NEMF: variants seen among roughly 807,000 people sequenced by gnomAD.
NEMF encodes the protein ribosome quality control complex subunit NEMF.
NEMF carries 89 observed loss-of-function variants against 162.2 expected under a neutral mutation model. The observed-to-expected ratio is 0.55, with a 90% CI of 0.46 to 0.65. The LOEUF (loss-of-function observed/expected upper bound fraction) is 0.65. NEMF is among the 30% of genes least tolerant of loss of function. NEMF has a pLI of 0.00. For synonymous variants in NEMF, 421 were observed against 404.5 expected, an observed-to-expected ratio of 1.04 and a Z score of -0.49; for missense variants, 1,133 against 1,261.9, an observed-to-expected ratio of 0.90 and a Z score of 1.55.
rs1360135515 is a variant in NEMF, at chr14:49,782,127, G to A, written c.*2509C>T. The A allele has an allele frequency of 1.3e-5, 6 of 457,236 alleles. No homozygotes were observed. Among genetic ancestry groups the A allele is most frequent in the African/African-American group, 2.0e-5 (1 of 49,456 alleles). 28.3% of individuals were successfully genotyped at this position (457,236 alleles called of 1,614,324 possible). ...CTAACAAAGACCTAGAGAACAGATC[G>A]TTCAGTTCAAACTCCTCATTGCATA... On this transcript the variant is annotated 3_prime_UTR_variant, in exon 33 of 33. Coordinates refer to ENST00000298310, the MANE Select transcript of NEMF (RefSeq NM_004713.6).
chr14:49,817,629 T>C (rs1348103418), intron 16 of NEMF, among the ~76,000 whole-genome samples: 1 of 152,154 alleles, frequency 6.6e-6, no homozygotes, highest in Non-Finnish European at 1.5e-5. Context: ...CCTAATTACA[T>C]TGTCTCATAT....
At chr14:49,814,658 A>C (rs1891637570) in intron 17 of NEMF, 96 bp downstream of exon 17, 1 of 630,676 alleles carries the variant, frequency 1.6e-6, no homozygotes, top group Non-Finnish European at 2.7e-6. Context: ...TAAATCTATC[A>C]AACAGAAGAG....
At chr14:49,837,684 C>G (rs1208357004) in intron 6 of NEMF, among the ~76,000 whole-genome samples, 1 of 151,964 alleles carries the variant, frequency 6.6e-6, no homozygotes, top group South Asian at 2.1e-4. Flanking sequence ...CCTGCCTCCC[C>G]GTCTTCTCTA....
At position 49,789,495 on chromosome 14, in the gene NEMF, C is replaced by T; in HGVS notation, c.2697+1G>A. The T allele has an allele frequency of 3.1e-6, 5 of 1,611,838 alleles. No individual in the cohort carries two copies. Among genetic ancestry groups the T allele is most frequent in the Non-Finnish European group, 4.2e-6 (5 of 1,179,532 alleles). On this transcript the variant is annotated splice_donor_variant, in intron 27 of 32. Coordinates refer to ENST00000298310, the MANE Select transcript of NEMF (RefSeq NM_004713.6). LOFTEE classifies it high-confidence loss of function. ...AAAAAATGTTTTTAGATGTTATTTACCCCCAGCAACTTCATGATAAGTTCA... is the reference window on the plus strand; with the variant it reads ...AAAAAATGTTTTTAGATGTTATTTATCCCCAGCAACTTCATGATAAGTTCA...
At position 49,789,358 on chromosome 14, in the gene NEMF, G is replaced by C; in HGVS notation, c.2698-15C>G. 1 of 1,613,404 alleles carries C rather than the reference G, an allele frequency of 6.2e-7. No individual in the cohort carries two copies. Among genetic ancestry groups the C allele is most frequent in the South Asian group, 1.1e-5 (1 of 91,068 alleles). On this transcript the variant is annotated splice_polypyrimidine_tract_variant and intron_variant, in intron 27 of 32. Transcript: ENST00000298310. ...GAACCTGCAGACTTTAATTCATAGA[G>C]GAAACATCAGTCAGTGTTGTATTTT...
rs565309783 is a variant in NEMF at position 49,831,966 on chromosome 14, T to C, written c.882+85A>G. 6 of 830,610 alleles carry C rather than the reference T, an allele frequency of 7.2e-6. No individual in the cohort carries two copies. In the South Asian group the frequency reaches 1.1e-4, roughly 15 times the overall value. 51.5% of individuals were successfully genotyped at this position (830,610 alleles called of 1,614,324 possible). A position where few individuals can be genotyped will look rare whatever the true frequency, so the allele number is the denominator to read the frequency against. ...CACAGTGAATGTAAAGCAAGTATAG[T>C]TTCAGTTTCTCAATAGAAGCAAGTT... On this transcript the variant is annotated intron_variant, in intron 10 of 32. Coordinates refer to ENST00000298310, the MANE Select transcript of NEMF (RefSeq NM_004713.6).
In NEMF at chr14:49,822,609, C is replaced by T. The variant is rs1303793525; in HGVS notation, c.1577+3258G>A. Among the ~76,000 whole-genome samples the T allele has an allele frequency of 2.3e-5, 3 of 133,176 alleles. No individual in the cohort carries two copies. The South Asian group carries it at 7.4e-4, about 33-fold the overall frequency. The allele number at this position is 133,176 out of a possible 152,430, so 87.4% of individuals were successfully genotyped here. ...CTTTGGGAGGCTGAAGTGGGAGGAT[C>T]ACTTGAGCCCAGGAGTTCGAGATCA... On this transcript the variant is annotated intron_variant, in intron 16 of 32. Transcript: ENST00000298310.
intron 6 of NEMF, 75 bp from the exon 7 acceptor site, chr14:49,834,524 T>C: frequency 2.8e-6 from 3 of 1,080,594 alleles, no homozygotes; most frequent in South Asian, 1.4e-5. Context: ...GAGATGGAGT[T>C]TTACCCGTCG....
chr14:49,846,325 T>G, intron 3 of NEMF, 60 bp from the exon 4 acceptor site: 1 of 1,513,312 alleles, frequency 6.6e-7, no homozygotes, highest in East Asian at 2.3e-5. Flanking sequence ...CCATTTGGTA[T>G]TGGTTTATAA....
Position 49,786,923 on chromosome 14 carries a change from A to G in NEMF, c.2896-173T>C, listed in dbSNP as rs1890205250. On this transcript the variant is annotated intron_variant, in intron 28 of 32. Transcript: ENST00000298310. ...CTAAGACTCTGAAGTGGATTCGTAT[A>G]TGTGTTTGTGTGTGTCTGTTTTATT... 3 of 594,132 alleles carry G rather than the reference A, an allele frequency of 5.0e-6. No homozygotes were observed. The African/African-American group carries it at 5.6e-5, about 11-fold the overall frequency. The allele number at this position is 594,132 out of a possible 1,614,324, so 36.8% of individuals were successfully genotyped here. A position where few individuals can be genotyped will look rare whatever the true frequency, so the allele number is the denominator to read the frequency against.
At chr14:49,848,704 G>A (rs149308246) in intron 3 of NEMF, among the ~76,000 whole-genome samples, 239 of 151,740 alleles carry the variant, frequency 1.6e-3, no homozygotes, top group African/African-American at 5.4e-3. Flanking sequence ...GCATGGTGGC[G>A]TGTGCCTGTA....
intron 6 of NEMF, among the ~76,000 whole-genome samples, chr14:49,835,678 T>C (rs1422262863): frequency 6.6e-6 from 1 of 152,100 alleles, no homozygotes; most frequent in Non-Finnish European, 1.5e-5. Context: ...ATAAGGCAAA[T>C]TAATTAATAG....
chr14:49,797,717 C>A (rs1386209398), intron 25 of NEMF, among the ~76,000 whole-genome samples: 12 of 152,214 alleles, frequency 7.9e-5, no homozygotes, highest in Admixed American at 7.9e-4. Context: ...TTATTCCTGA[C>A]AATATCACCC....
Position 49,846,147 on chromosome 14 carries a change from T to C in NEMF, c.350A>G (p.Tyr117Cys). ...CCCACAAATTTAACTTACCCTATCA[T>C]AGAGCTCAATGATTAAATGGTAAGC... ...EAAYHLIIEL[Y>C]DRGNIVLTDY... The change falls in exon 4 of 33, where the codon TAT becomes TGT. Residue 117 changes from tyrosine to cysteine, a missense_variant. Tyr to Cys is a radical substitution (Grantham distance 194). Coordinates refer to ENST00000298310, the MANE Select transcript of NEMF (RefSeq NM_004713.6). 1 of 1,613,196 alleles carries C rather than the reference T, an allele frequency of 6.2e-7. No individual in the cohort carries two copies. Among genetic ancestry groups the C allele is most frequent in the Non-Finnish European group, 8.5e-7 (1 of 1,179,626 alleles).
intron 26 of NEMF, among the ~76,000 whole-genome samples, chr14:49,793,146 G>A (rs1156435180): frequency 6.6e-6 from 1 of 151,970 alleles, no homozygotes; most frequent in Non-Finnish European, 1.5e-5. Context: ...AATTAACAAA[G>A]ATATACACGA....
At chr14:49,796,275 T>C (rs1477575661) in intron 25 of NEMF, 1 of 474,552 alleles carries the variant, frequency 2.1e-6, no homozygotes, top group Non-Finnish European at 4.2e-6. Context: ...TGTACCAACA[T>C]AGCATTGGCA....
intron 19 of NEMF, among the ~76,000 whole-genome samples, chr14:49,805,139 G>A: frequency 6.6e-6 from 1 of 152,100 alleles, no homozygotes; most frequent in Non-Finnish European, 1.5e-5. Context: ...CAGCACTGAG[G>A]TAGCAATTTA....
chr14:49,813,072 G>C (rs1170653990), intron 18 of NEMF, among the ~76,000 whole-genome samples: 1 of 152,114 alleles, frequency 6.6e-6, no homozygotes, highest in Non-Finnish European at 1.5e-5. Flanking sequence ...ACCGCATCCA[G>C]CCGAGGCTTG....
At position 49,845,233 on chromosome 14, in the gene NEMF, T is replaced by C. The variant is rs139687416; in HGVS notation, c.357+907A>G. ...TCAGCCTCCCGAGTAGCTGGGATTATAGGTGCCCGCCACCACGCCCAGCTA... is the reference window on the plus strand; with the variant it reads ...TCAGCCTCCCGAGTAGCTGGGATTACAGGTGCCCGCCACCACGCCCAGCTA... On this transcript the variant is annotated intron_variant, in intron 4 of 32. Coordinates refer to ENST00000298310, the MANE Select transcript of NEMF (RefSeq NM_004713.6). Among the ~76,000 whole-genome samples, 816 of 152,118 alleles carry C rather than the reference T, an allele frequency of 5.4e-3. 11 individuals carry two copies. Among genetic ancestry groups the C allele is most frequent in the African/African-American group, 0.019 (776 of 41,512 alleles).
Sources: allele counts gnomAD v4.1 joint callset (sites outside exome capture counted in the v4.1 genomes callset), GRCh38; gene constraint gnomAD v4.1.1; transcripts MANE v1.5; gene names NCBI Gene and HGNC (gene_info 2026-07-23, HGNC 2026-07-21).